USP47: variants seen among roughly 807,000 people sequenced by gnomAD.
The protein encoded by USP47 is ubiquitin specific peptidase 47.
USP47 carries 35 observed loss-of-function variants against 165.1 expected under a neutral mutation model. The observed-to-expected ratio is 0.21, with a 90% CI of 0.16 to 0.28. USP47 has a LOEUF of 0.28. USP47 is among the 10% of genes least tolerant of loss of function. USP47 has a pLI of 1.00. For synonymous variants in USP47, 531 were observed against 544.5 expected, an observed-to-expected ratio of 0.98 and a Z score of 0.35; for missense variants, 1,277 against 1,607.4, an observed-to-expected ratio of 0.79 and a Z score of 3.52.
intron 1 of USP47, among the ~76,000 whole-genome samples, chr11:11,848,955 A>T (rs1007382098): frequency 1.3e-5 from 2 of 150,664 alleles, no homozygotes; most frequent in African/African-American, 4.9e-5. Flanking sequence ...TCAGTTTAAG[A>T]TATTTTTCAG....
intron 3 of USP47, among the ~76,000 whole-genome samples, chr11:11,886,621 G>A (rs922789636): frequency 2.0e-5 from 3 of 152,064 alleles, no homozygotes; most frequent in Non-Finnish European, 4.4e-5. Flanking sequence ...CAACTGATTG[G>A]GATACCTGAA....
chr11:11,915,536 G>C (rs1284808361), intron 8 of USP47, among the ~76,000 whole-genome samples: 1 of 152,176 alleles, frequency 6.6e-6, no homozygotes, highest in Non-Finnish European at 1.5e-5. Flanking sequence ...TTAGATAGGT[G>C]TATGAATGCC....
At position 11,959,648 on chromosome 11, in the gene USP47, A is replaced by G. The variant is rs1035219311; in HGVS notation, c.*3473A>G. Among the ~76,000 whole-genome samples, 1 of 152,224 alleles carries G rather than the reference A, an allele frequency of 6.6e-6. No homozygotes were observed. Among genetic ancestry groups the G allele is most frequent in the South Asian group, 2.1e-4 (1 of 4,830 alleles). On this transcript the variant is annotated 3_prime_UTR_variant, in exon 28 of 28. Coordinates refer to ENST00000527733, the MANE Select transcript of USP47 (RefSeq NM_001282659.2). ...ACAAGAATACTGCACAAACTCAAGC[A>G]TGCATTGGAGCATGTGTTACTATTT...
At position 11,861,823 on chromosome 11, in the gene USP47, T is replaced by C. The variant is rs373455567; in HGVS notation, c.40-18354T>C. Among the ~76,000 whole-genome samples the C allele has an allele frequency of 1.7e-3, 256 of 152,284 alleles. 4 individuals carry two copies. The South Asian group carries it at 0.024, about 14-fold the overall frequency. On this transcript the variant is annotated intron_variant, in intron 1 of 27. Coordinates refer to ENST00000527733, the MANE Select transcript of USP47 (RefSeq NM_001282659.2). The stretch of plus-strand genomic sequence containing the variant: ...TTATTACTTGAGTGTTTTTATAGTA[T>C]ATAATTTAGAAACAAATGTGATATA...
At chr11:11,877,805 CTGTGTGTGTGTG>C (rs10577564) in intron 1 of USP47, among the ~76,000 whole-genome samples, 3,166 of 70,944 alleles carry the variant, frequency 0.045, 93 homozygotes, top group African/African-American at 0.089. Context: ...CTCTCTCTCT[CTGTGTGTGTGTG>C]TGTGTGTGTG....
chr11:11,869,884 A>G (rs964431182), intron 1 of USP47, among the ~76,000 whole-genome samples: 2 of 152,072 alleles, frequency 1.3e-5, no homozygotes, highest in African/African-American at 4.8e-5. Flanking sequence ...GCCTTCTGTC[A>G]TGTTATGATG....
chr11:11,954,255 A>G (rs1274057245), intron 25 of USP47, among the ~76,000 whole-genome samples: 2 of 152,078 alleles, frequency 1.3e-5, no homozygotes, highest in Non-Finnish European at 2.9e-5. Flanking sequence ...GTCTCAAGAA[A>G]AAAGAATTTA....
Position 11,959,344 on chromosome 11 carries a change from G to GA in USP47, c.*3174dup, listed in dbSNP as rs1847353462. The GA allele has an allele frequency of 6.6e-6, 1 of 152,106 alleles. No homozygotes were observed. Among genetic ancestry groups the GA allele is most frequent in the African/African-American group, 2.4e-5 (1 of 41,422 alleles). 9.4% of individuals were successfully genotyped at this position (152,106 alleles called of 1,614,324 possible). ...ATCTTAACAATTCTGTGTAATTTTTGAAAAACATCAACATTTTGGTCACTA... is the reference window on the plus strand; with the variant it reads ...ATCTTAACAATTCTGTGTAATTTTTGAAAAAACATCAACATTTTGGTCACTA... On this transcript the variant is annotated 3_prime_UTR_variant, in exon 28 of 28. Coordinates refer to ENST00000527733, the MANE Select transcript of USP47 (RefSeq NM_001282659.2).
intron 1 of USP47, among the ~76,000 whole-genome samples, chr11:11,855,926 T>G (rs906390117): frequency 6.6e-6 from 1 of 152,084 alleles, no homozygotes; most frequent in African/African-American, 2.4e-5. Flanking sequence ...ACCAGACAAA[T>G]ATATAATGTG....
At chr11:11,892,310 A>G (rs1393782834) in intron 4 of USP47, among the ~76,000 whole-genome samples, 1 of 151,564 alleles carries the variant, frequency 6.6e-6, no homozygotes, top group East Asian at 1.9e-4. Context: ...TGCTGCCACT[A>G]TTTAATAATA....
rs1466150798 is a variant in USP47 at position 11,942,990 on chromosome 11, A to C, written c.2969A>C (p.Glu990Ala). ...EGKKETWDTAEEDSGTDSEYD... is the reference protein window; with the variant it reads ...EGKKETWDTAAEDSGTDSEYD... ...AAAAAAGAAACATGGGATACAGCAG[A>C]AGAAGACTCTGGAACTGATAGTGAA... is the stretch of plus-strand genomic sequence containing the variant. Residue 990 changes from glutamate (E) to alanine (A), a missense_variant, in exon 20 of 28, where the codon GAA becomes GCA. Glu to Ala is a moderately radical substitution (Grantham distance 107, BLOSUM62 -1). Around this residue, in one of 4 missense-constraint regions of USP47, gnomAD observed 909 missense variants for 1,068.1 expected, o/e 0.85. Transcript: ENST00000527733. 2 of 1,613,478 alleles carry C rather than the reference A, an allele frequency of 1.2e-6. No homozygotes were observed. Among genetic ancestry groups the C allele is most frequent in the Non-Finnish European group, 1.7e-6 (2 of 1,179,686 alleles).
At chr11:11,844,703 CTTA>C (rs1386199033) in intron 1 of USP47, among the ~76,000 whole-genome samples, 2 of 151,746 alleles carry the variant, frequency 1.3e-5, no homozygotes, top group East Asian at 1.9e-4. Flanking sequence ...ATTTTAATGG[CTTA>C]TTATCAATAA....
chr11:11,932,431 G>A (rs1854738870), intron 14 of USP47, among the ~76,000 whole-genome samples: 1 of 152,124 alleles, frequency 6.6e-6, no homozygotes, highest in African/African-American at 2.4e-5. Context: ...ATAGATGAAG[G>A]TGTCAGTTTT....
Position 11,847,565 on chromosome 11 carries a change from C to G in USP47, c.39+5341C>G, listed in dbSNP as rs373332775. Among the ~76,000 whole-genome samples, 11 of 152,248 alleles carry G rather than the reference C, an allele frequency of 7.2e-5. No homozygotes were observed. The South Asian group carries it at 2.1e-3, about 29-fold the overall frequency. On this transcript the variant is annotated intron_variant, in intron 1 of 27. Coordinates refer to ENST00000527733, the MANE Select transcript of USP47 (RefSeq NM_001282659.2). Reference sequence around the variant, plus strand: ...GTTCTCCTGTTTCAGTTAGTGTTATCGCCATCTATTTATATGCTTAAGTTA... The same window carrying G: ...GTTCTCCTGTTTCAGTTAGTGTTATGGCCATCTATTTATATGCTTAAGTTA...
At chr11:11,857,781 C>T (rs1334414334) in intron 1 of USP47, among the ~76,000 whole-genome samples, 2 of 152,214 alleles carry the variant, frequency 1.3e-5, no homozygotes, top group Non-Finnish European at 2.9e-5. Flanking sequence ...TTGCAGAAAG[C>T]AACCAATCAG....
chr11:11,930,139 T>A lies in USP47; in HGVS notation c.1595+19T>A, dbSNP rs760165830. 1.6e-5 allele frequency: 26 copies of A among 1,595,560 alleles called. No individual in the cohort carries two copies. The East Asian group carries it at 2.7e-4, about 16-fold the overall frequency. ...TCGCAAGGTAAGCAATTTCCTAATT[T>A]TCAGTGTTTAAAAGTTAGAATTAAT... On this transcript the variant is annotated intron_variant, in intron 13 of 27. Transcript: ENST00000527733.
intron 8 of USP47, among the ~76,000 whole-genome samples, chr11:11,908,274 T>C (rs190454208): frequency 1.4e-3 from 213 of 152,206 alleles, no homozygotes; most frequent in Middle Eastern, 6.8e-3. Flanking sequence ...TTTTCTTTTT[T>C]TTCTCTCTCT....
intron 1 of USP47, among the ~76,000 whole-genome samples, chr11:11,859,016 G>A (rs1031864388): frequency 1.2e-4 from 18 of 152,046 alleles, no homozygotes; most frequent in African/African-American, 4.3e-4. Flanking sequence ...TGTTTACTTG[G>A]CAGTGTCAGT....
intron 25 of USP47, among the ~76,000 whole-genome samples, chr11:11,953,854 CT>C (rs1365195452): frequency 2.0e-5 from 3 of 152,036 alleles, no homozygotes; most frequent in Non-Finnish European, 4.4e-5. Flanking sequence ...CAATATATAC[CT>C]TTGATAAGTG....
Sources: allele counts gnomAD v4.1 joint callset (sites outside exome capture counted in the v4.1 genomes callset), GRCh38; gene constraint gnomAD v4.1.1; regional missense constraint gnomAD v4.1.1; transcripts MANE v1.5; gene names NCBI Gene and HGNC (gene_info 2026-07-23, HGNC 2026-07-21).